Variants in LRRC4C observed in about 807,000 individuals in gnomAD.
LRRC4C encodes the protein leucine-rich repeat-containing protein 4C.
A neutral mutation model predicts 33.6 loss-of-function variants in LRRC4C; 5 were observed. The ratio of observed to expected loss-of-function variants is 0.15; its 90% CI spans 0.08 to 0.31. LRRC4C has a LOEUF of 0.31. Ranked by LOEUF, LRRC4C falls within the 10% of genes least tolerant of loss-of-function variation. The pLI is 1.00. For synonymous variants in LRRC4C, 329 were observed against 302.0 expected (o/e 1.09, Z -0.93); for missense variants, 560 against 796.7 (o/e 0.70, Z 3.58).
In LRRC4C at chr11:40,832,062, G is replaced by A. The variant is rs138182488; in HGVS notation, c.-407+101573C>T. ...TATATCACTGTGTGATTGTTATTGC[G>A]TGTACTTACACAAACTTAGTTGGCA... On this transcript the variant is annotated intron_variant, in intron 2 of 6. Coordinates refer to ENST00000528697, the MANE Select transcript of LRRC4C (RefSeq NM_001258419.2). Among the ~76,000 whole-genome samples, 590 of 152,112 alleles carry A rather than the reference G, an allele frequency of 3.9e-3. 3 individuals carry two copies. The highest frequency in any genetic ancestry group is 6.6e-3 in the Non-Finnish European group (450 of 67,996).
At chr11:40,335,988 C>T (rs7951648) in intron 3 of LRRC4C, among the ~76,000 whole-genome samples, 99,724 of 152,058 alleles carry the variant, frequency 0.66, 33,128 homozygotes, top group East Asian at 0.81. Flanking sequence ...TTGAAGAGTG[C>T]TCCATGTTAA....
intron 5 of LRRC4C, among the ~76,000 whole-genome samples, chr11:40,182,761 C>T (rs901191728): frequency 6.6e-6 from 1 of 152,118 alleles, no homozygotes; most frequent in African/African-American, 2.4e-5. Flanking sequence ...GTAATTTGTT[C>T]ATTTATGTGT....
At chr11:40,965,822 T>C (rs1476573001) in intron 1 of LRRC4C, among the ~76,000 whole-genome samples, 1 of 152,120 alleles carries the variant, frequency 6.6e-6, no homozygotes, top group East Asian at 1.9e-4. Flanking sequence ...AACTTTGTTC[T>C]TTTGGCTTAG....
At chr11:40,479,761 T>TA (rs199806272) in intron 3 of LRRC4C, among the ~76,000 whole-genome samples, 2,518 of 152,190 alleles carry the variant, frequency 0.017, 36 homozygotes, top group South Asian at 0.033. Flanking sequence ...AGATTTTCAT[T>TA]AAAAAAATCA....
At chr11:40,167,053 C>T (rs190321076) in intron 5 of LRRC4C, among the ~76,000 whole-genome samples, 3 of 152,148 alleles carry the variant, frequency 2.0e-5, no homozygotes, top group African/African-American at 7.2e-5. Context: ...AAGGGAATCC[C>T]GGAGTACAAT....
At chr11:40,556,454 T>G (rs1250995402) in intron 3 of LRRC4C, among the ~76,000 whole-genome samples, 1 of 152,210 alleles carries the variant, frequency 6.6e-6, no homozygotes, top group East Asian at 1.9e-4. Flanking sequence ...TCCAAAAATG[T>G]CTGGTCCATA....
intron 3 of LRRC4C, among the ~76,000 whole-genome samples, chr11:40,619,811 C>G (rs1962260631): frequency 6.6e-6 from 1 of 151,242 alleles, no homozygotes; most frequent in South Asian, 2.1e-4. Flanking sequence ...CTTTATTTAA[C>G]TTGGCTTCTT....
chr11:40,937,839 G>A (rs1172213186), intron 1 of LRRC4C, among the ~76,000 whole-genome samples: 2 of 151,848 alleles, frequency 1.3e-5, no homozygotes, highest in Admixed American at 1.3e-4. Flanking sequence ...TTGTTTGTTT[G>A]TAGAGACAGG....
chr11:41,276,834 G>A (rs1949500111), intron 1 of LRRC4C, among the ~76,000 whole-genome samples: 1 of 152,130 alleles, frequency 6.6e-6, no homozygotes, highest in African/African-American at 2.4e-5. Context: ...AAGAAACGCA[G>A]GCAGCCACTG....
chr11:40,991,952 C>G (rs1853604406), intron 1 of LRRC4C, among the ~76,000 whole-genome samples: 1 of 152,146 alleles, frequency 6.6e-6, no homozygotes, highest in African/African-American at 2.4e-5. Flanking sequence ...TAAGAGGCCA[C>G]CAACTGGTAT....
At chr11:40,529,717 G>A (rs1956197481) in intron 3 of LRRC4C, among the ~76,000 whole-genome samples, 1 of 152,142 alleles carries the variant, frequency 6.6e-6, no homozygotes, top group Admixed American at 6.5e-5. Flanking sequence ...CTTATTGAAA[G>A]TAACACATCA....
chr11:40,760,093 G>A (rs2137061352), intron 2 of LRRC4C, among the ~76,000 whole-genome samples: 1 of 151,962 alleles, frequency 6.6e-6, no homozygotes, highest in Non-Finnish European at 1.5e-5. Context: ...TTGTGATGCA[G>A]TAGAGCTGAG....
At chr11:40,521,669 G>A (rs1955819400) in intron 3 of LRRC4C, among the ~76,000 whole-genome samples, 1 of 152,034 alleles carries the variant, frequency 6.6e-6, no homozygotes, top group South Asian at 2.1e-4. Flanking sequence ...AAGAGATCAA[G>A]ACCATCCTGG....
At chr11:41,395,883 G>A (rs1281326074) in intron 1 of LRRC4C, among the ~76,000 whole-genome samples, 1 of 151,922 alleles carries the variant, frequency 6.6e-6, no homozygotes, top group Non-Finnish European at 1.5e-5. Flanking sequence ...GAATCTCAGG[G>A]AACTAAAAGT....
intron 1 of LRRC4C, among the ~76,000 whole-genome samples, chr11:41,319,562 A>G (rs987577302): frequency 2.0e-5 from 3 of 152,168 alleles, no homozygotes; most frequent in Non-Finnish European, 4.4e-5. Context: ...TTGTTTGTTG[A>G]GACAAGATCT....
intron 5 of LRRC4C, among the ~76,000 whole-genome samples, chr11:40,226,277 AGGC>A (rs1050163306): frequency 6.6e-6 from 1 of 152,208 alleles, no homozygotes; most frequent in Non-Finnish European, 1.5e-5. Context: ...GATCAGTATT[AGGC>A]CAATACGTTC....
At chr11:41,255,145 C>A (rs999461595) in intron 1 of LRRC4C, among the ~76,000 whole-genome samples, 7 of 151,912 alleles carry the variant, frequency 4.6e-5, no homozygotes, top group African/African-American at 1.7e-4. Flanking sequence ...TTTTCCCCTG[C>A]CAGTGTTCCA....
chr11:40,718,957 T>C (rs556726497), intron 2 of LRRC4C, among the ~76,000 whole-genome samples: 11 of 152,306 alleles, frequency 7.2e-5, no homozygotes, highest in African/African-American at 2.6e-4. Flanking sequence ...GGACTAAAGA[T>C]ACTTGAATGC....
At chr11:40,262,919 G>C (rs557708019) in intron 4 of LRRC4C, among the ~76,000 whole-genome samples, 1 of 151,304 alleles carries the variant, frequency 6.6e-6, no homozygotes, top group East Asian at 1.9e-4. Context: ...ACCATGGCAC[G>C]TGTATACCTA....
Sources: allele counts gnomAD v4.1 joint callset (sites outside exome capture counted in the v4.1 genomes callset), GRCh38; gene constraint gnomAD v4.1.1; transcripts MANE v1.5; gene names NCBI Gene and HGNC (gene_info 2026-07-23, HGNC 2026-07-21).